The following HLX variants were observed in gnomAD, a reference collection of about 807,000 sequenced individuals.
HLX encodes the protein H2.0 like homeobox, also known as H2.0-like homeobox protein.
In HLX, 6 loss-of-function variants were observed where a neutral mutation model predicts 27.7. The observed-to-expected ratio is 0.22, with a 90% confidence interval of 0.12 to 0.43. The LOEUF (loss-of-function observed/expected upper bound fraction) is 0.43, where lower values mean the gene tolerates loss of function less well. Ranked by LOEUF, HLX falls within the 20% of genes least tolerant of loss-of-function variation. HLX has a pLI of 1.00. For missense variants in HLX, 666 were observed against 655.2 expected (o/e 1.02, Z -0.18); for synonymous variants, 328 against 293.8 (o/e 1.12, Z -1.19).
rs957077313 is a variant in HLX, at chr1:220,879,576, C to G, written c.-282C>G. The G allele has an allele frequency of 4.1e-6, 2 of 486,190 alleles. No homozygotes were observed. Among genetic ancestry groups the G allele is most frequent in the African/African-American group, 4.1e-5 (2 of 48,706 alleles). 30.1% of individuals were successfully genotyped at this position (486,190 alleles called of 1,614,324 possible). On this transcript the variant is annotated 5_prime_UTR_variant, in exon 1 of 4. Coordinates refer to ENST00000366903, the MANE Select transcript of HLX (RefSeq NM_021958.4). Reference sequence around the variant, plus strand: ...CTGGCTCCCCCGCCCGCCCTGCGGCCCCAGCGCCCCTCGCTCTCATCCAGC... The same window carrying G: ...CTGGCTCCCCCGCCCGCCCTGCGGCGCCAGCGCCCCTCGCTCTCATCCAGC...
Position 220,884,122 on chromosome 1 carries a change from C to T in HLX, c.958-73C>T, listed in dbSNP as rs1674516126. On this transcript the variant is annotated intron_variant, in intron 3 of 3. Transcript: ENST00000366903. This position sits in a 1 kb window ranked among gnomAD's most constrained non-coding sequence, Gnocchi z 4.9. ...CTCAGGGAGGTGGCTTGAGGGTGCACGCGAGTCGGATAGGAGCAAACCTGG... is the reference window on the plus strand; with the variant it reads ...CTCAGGGAGGTGGCTTGAGGGTGCATGCGAGTCGGATAGGAGCAAACCTGG... 3 of 1,498,612 alleles carry T rather than the reference C, an allele frequency of 2.0e-6. No individual in the cohort carries two copies. Among genetic ancestry groups the T allele is most frequent in the South Asian group, 1.1e-5 (1 of 87,164 alleles). 92.8% of individuals were successfully genotyped at this position (1,498,612 alleles called of 1,614,324 possible).
At chr1:220,883,028 G>A (rs1481904164) in intron 3 of HLX, 2 of 152,230 alleles carry the variant, frequency 1.3e-5, no homozygotes, top group African/African-American at 4.8e-5. Flanking sequence ...CAAGACAATA[G>A]GAAATGTATT....
chr1:220,884,714 G>A lies in HLX; in HGVS notation c.*10G>A, dbSNP rs371049169. 3.1e-6 allele frequency: 5 copies of A among 1,606,794 alleles called. No individual in the cohort carries two copies. In the East Asian group the frequency reaches 8.9e-5, roughly 29 times the overall value. ...GCTTGGCTGCTTATAGACTGTACTAGGGCGGAGGGGATCCGGGCCTTGCGT... is the reference window on the plus strand; with the variant it reads ...GCTTGGCTGCTTATAGACTGTACTAAGGCGGAGGGGATCCGGGCCTTGCGT... On this transcript the variant is annotated 3_prime_UTR_variant, in exon 4 of 4. Transcript: ENST00000366903. The surrounding 1 kb of genome is among the most constrained non-coding windows in gnomAD (Gnocchi z 4.9).
At chr1:220,881,534 A>G (rs1214225625) in intron 2 of HLX, 161 bp downstream of exon 2, 3 of 724,074 alleles carry the variant, frequency 4.1e-6, no homozygotes, top group East Asian at 5.3e-5. Flanking sequence ...TCAGCGAGCT[A>G]GCGCTCGCTT....
chr1:220,879,646 G>A lies in HLX; in HGVS notation c.-212G>A. The A allele has an allele frequency of 5.4e-6, 4 of 737,282 alleles. No homozygotes were observed. The highest frequency in any genetic ancestry group is 8.1e-6 in the Non-Finnish European group (4 of 494,220). 45.7% of individuals were successfully genotyped at this position (737,282 alleles called of 1,614,324 possible). A position where few individuals can be genotyped will look rare whatever the true frequency, so the allele number is the denominator to read the frequency against. ...CGCGCCGCCTTTAAAGCGAGGCCAGGGAGCGAGGCGGTGACCGGCCGAGAT... is the reference window on the plus strand; with the variant it reads ...CGCGCCGCCTTTAAAGCGAGGCCAGAGAGCGAGGCGGTGACCGGCCGAGAT... On this transcript the variant is annotated 5_prime_UTR_variant, in exon 1 of 4. Coordinates refer to ENST00000366903, the MANE Select transcript of HLX (RefSeq NM_021958.4).
chr1:220,880,222 A>G lies in HLX; in HGVS notation c.365A>G (p.His122Arg). 1 of 1,612,528 alleles carries G rather than the reference A, an allele frequency of 6.2e-7. No homozygotes were observed. The highest frequency in any genetic ancestry group is 1.1e-5 in the South Asian group (1 of 91,060). The change falls in exon 1 of 4, where the codon CAT (histidine) becomes CGT (arginine). Residue 122 changes from histidine to arginine, a missense_variant. Transcript: ENST00000366903. Reference sequence around the variant, plus strand: ...CCGCTCTCAGCCGCCTACCACCACCATCACCCGCAACAACAACAGCAGCAG... The same window carrying G: ...CCGCTCTCAGCCGCCTACCACCACCGTCACCCGCAACAACAACAGCAGCAG... Reference protein sequence around the residue: ...LSPLSAAYHHHHPQQQQQQQQ... With the variant: ...LSPLSAAYHHRHPQQQQQQQQ...
In HLX at chr1:220,882,275, T is replaced by G; in HGVS notation, c.884T>G (p.Phe295Cys). ...CAGAGGAAAGGCCTGGAGAAAAGGT[T>G]TGAGATTCAGAAGTACGTGACCAAG... ...NLQRKGLEKR[F>C]EIQKYVTKPD... The change falls in exon 3 of 4, where the codon TTT becomes TGT. Residue 295 changes from phenylalanine (F) to cysteine (C), a missense_variant. Phe to Cys is a radical substitution (Grantham distance 205, BLOSUM62 -2). Coordinates refer to ENST00000366903, the MANE Select transcript of HLX (RefSeq NM_021958.4). The G allele has an allele frequency of 6.2e-7, 1 of 1,614,164 alleles. No homozygotes were observed. The highest frequency in any genetic ancestry group is 1.1e-5 in the South Asian group (1 of 91,072).
At chr1:220,880,721 T>C (rs1402478479) in intron 1 of HLX, 1 of 565,172 alleles carries the variant, frequency 1.8e-6, no homozygotes, top group Non-Finnish European at 3.2e-6. Flanking sequence ...TCTGCTAACA[T>C]GACTTTGATC....
chr1:220,881,502 G>A (rs1674437238), intron 2 of HLX, 129 bp downstream of exon 2: 2 of 837,402 alleles, frequency 2.4e-6, no homozygotes. Context: ...ACGGAGTCAG[G>A]AGAGAGAAAC....
intron 2 of HLX, 32 bp from the exon 3 acceptor site, chr1:220,882,132 C>T (rs371842188): frequency 3.1e-6 from 5 of 1,611,336 alleles, no homozygotes; most frequent in Non-Finnish European, 2.5e-6. Flanking sequence ...GCCCTCTTGT[C>T]TTTCTTCCCT....
chr1:220,882,209 A>C lies in HLX; in HGVS notation c.818A>C (p.Lys273Thr), dbSNP rs765851535. The C allele has an allele frequency of 1.9e-6, 3 of 1,614,188 alleles. No homozygotes were observed. The South Asian group carries it at 3.3e-5, about 18-fold the overall frequency. Residue 273 changes from lysine (K) to threonine (T), a missense_variant, in exon 3 of 4, where the codon AAA becomes ACA. By Grantham distance (78) the Lys-to-Thr change is moderately conservative. Transcript: ENST00000366903. ...LTKDTMPQTY[K>T]RKRSWSRAVF... ...AAGGACACCATGCCGCAGACGTACAAAAGGAAGCGTTCATGGTCGCGCGCT... is the reference window on the plus strand; with the variant it reads ...AAGGACACCATGCCGCAGACGTACACAAGGAAGCGTTCATGGTCGCGCGCT...
At chr1:220,881,703 G>T in intron 2 of HLX, 1 of 426,926 alleles carries the variant, frequency 2.3e-6, no homozygotes, top group Non-Finnish European at 4.4e-6. Flanking sequence ...ATTTTGGGAT[G>T]ACCTCAAACA....
In HLX at chr1:220,884,966, T is replaced by TA; in HGVS notation, c.*265dup. 1 of 559,200 alleles carries TA rather than the reference T, an allele frequency of 1.8e-6. No homozygotes were observed. Among genetic ancestry groups the TA allele is most frequent in the South Asian group, 2.6e-5 (1 of 38,306 alleles). The allele number at this position is 559,200 out of a possible 1,614,324, so 34.6% of individuals were successfully genotyped here. ...CTGGTTCGACTGTGAGGTGTTTGAC[T>TA]AAACTGTTTCTCTGACTCGCCCCAG... is the stretch of plus-strand genomic sequence containing the variant. On this transcript the variant is annotated 3_prime_UTR_variant, in exon 4 of 4. Transcript: ENST00000366903. This position sits in a 1 kb window ranked among gnomAD's most constrained non-coding sequence, Gnocchi z 4.9.
At position 220,880,371 on chromosome 1, in the gene HLX, A is replaced by C. The variant is rs1571711881; in HGVS notation, c.514A>C (p.Lys172Gln). ...HSGSAPAPSSKDLKFGIDRIL... is the reference protein window; with the variant it reads ...HSGSAPAPSSQDLKFGIDRIL... Reference sequence around the variant, plus strand: ...TGGCTCTGCCCCGGCCCCCTCCAGCAAAGACCTCAAATTTGGAATTGACCG... The same window carrying C: ...TGGCTCTGCCCCGGCCCCCTCCAGCCAAGACCTCAAATTTGGAATTGACCG... The change falls in exon 1 of 4, where the codon AAA becomes CAA. Residue 172 changes from lysine (K) to glutamine (Q), a missense_variant. Coordinates refer to ENST00000366903, the MANE Select transcript of HLX (RefSeq NM_021958.4). The C allele has an allele frequency of 6.2e-7, 1 of 1,614,136 alleles. No homozygotes were observed. Among genetic ancestry groups the C allele is most frequent in the East Asian group, 2.2e-5 (1 of 44,862 alleles).
intron 1 of HLX, 134 bp from the exon 2 acceptor site, chr1:220,881,060 A>G (rs1674424212): frequency 1.2e-6 from 1 of 811,114 alleles, no homozygotes. Flanking sequence ...GAGAGGTTTC[A>G]GCGCCTAGAC....
At position 220,879,515 on chromosome 1, in the gene HLX, A is replaced by G; in HGVS notation, c.-343A>G. 2.8e-6 allele frequency: 1 copy of G among 363,584 alleles called. No homozygotes were observed. The allele number at this position is 363,584 out of a possible 1,614,324, so 22.5% of individuals were successfully genotyped here. A position where few individuals can be genotyped will look rare whatever the true frequency, so the allele number is the denominator to read the frequency against. On this transcript the variant is annotated 5_prime_UTR_variant, in exon 1 of 4. Coordinates refer to ENST00000366903, the MANE Select transcript of HLX (RefSeq NM_021958.4). ...TAAATTTAGCTCTTAGGGCTTAGCT[A>G]TTTGGGTTTTCTTGCGGTGTCCGGC... is the stretch of plus-strand genomic sequence containing the variant.
At position 220,880,463 on chromosome 1, in the gene HLX, G is replaced by C. The variant is rs769213146; in HGVS notation, c.592+14G>C. 7 of 1,613,212 alleles carry C rather than the reference G, an allele frequency of 4.3e-6. No homozygotes were observed. The South Asian group carries it at 6.6e-5, about 15-fold the overall frequency. ...ACACGCTGAGAGGTAGGTCTTGGGC[G>C]GGAGGCTGCAGGCCTCTGACCACTG... On this transcript the variant is annotated intron_variant, in intron 1 of 3. Coordinates refer to ENST00000366903, the MANE Select transcript of HLX (RefSeq NM_021958.4).
In HLX at chr1:220,884,238, C is replaced by T. The variant is rs1305964458; in HGVS notation, c.1001C>T (p.Ser334Phe). The T allele has an allele frequency of 1.2e-6, 2 of 1,613,822 alleles. No individual in the cohort carries two copies. The highest frequency in any genetic ancestry group is 2.2e-5 in the South Asian group (2 of 91,042). Residue 334 changes from serine (S) to phenylalanine (F), a missense_variant, in exon 4 of 4, where the codon TCC becomes TTC. By Grantham distance (155) the Ser-to-Phe change is radical. Transcript: ENST00000366903. This position sits in a 1 kb window ranked among gnomAD's most constrained non-coding sequence, Gnocchi z 4.9. Reference sequence around the variant, plus strand: ...AACCGGCGGATGAAGTGGCGGCACTCCAAGGAGGCCCAGGCCCAAAAGGAC... The same window carrying T: ...AACCGGCGGATGAAGTGGCGGCACTTCAAGGAGGCCCAGGCCCAAAAGGAC... ...FQNRRMKWRH[S>F]KEAQAQKDKD...
intron 2 of HLX, chr1:220,881,763 AAC>A (rs71167242): frequency 0.071 from 21,580 of 303,788 alleles, 395 homozygotes; most frequent in South Asian, 0.089. Flanking sequence ...TGCGGGAATA[AAC>A]ACACACACAC....
Sources: allele counts gnomAD v4.1 joint callset, GRCh38; gene constraint gnomAD v4.1.1; non-coding constraint Gnocchi (gnomAD v3.1); transcripts MANE v1.5; gene names NCBI Gene and HGNC (gene_info 2026-07-23, HGNC 2026-07-21).